The following GSTCD variants were observed in gnomAD, a reference collection of about 807,000 sequenced individuals.
GSTCD encodes the protein glutathione S-transferase C-terminal domain containing.
A neutral mutation model predicts 68.3 loss-of-function variants in GSTCD; 44 were observed. That is an observed-to-expected ratio of 0.64 (90% CI 0.51 to 0.83). The LOEUF (loss-of-function observed/expected upper bound fraction) is 0.83. Ranked by LOEUF, GSTCD falls within the 40% of genes least tolerant of loss-of-function variation. GSTCD has a pLI of 0.00. For synonymous variants in GSTCD, 273 were observed against 255.2 expected (o/e 1.07, Z -0.67); for missense variants, 739 against 735.9 (o/e 1.00, Z -0.05).
chr4:105,833,904 A>G (rs979528190), intron 8 of GSTCD, among the ~76,000 whole-genome samples: 1 of 152,096 alleles, frequency 6.6e-6, no homozygotes, highest in African/African-American at 2.4e-5. Flanking sequence ...GTAACTCATC[A>G]TTCAATGTTA....
intron 5 of GSTCD, among the ~76,000 whole-genome samples, chr4:105,735,884 T>C (rs1464029521): frequency 6.6e-6 from 1 of 152,164 alleles, no homozygotes; most frequent in Non-Finnish European, 1.5e-5. Flanking sequence ...TTAGGACTCA[T>C]ATTTTAAAAA....
chr4:105,836,938 T>A (rs954778650), intron 9 of GSTCD, among the ~76,000 whole-genome samples: 1 of 152,238 alleles, frequency 6.6e-6, no homozygotes, highest in Non-Finnish European at 1.5e-5. Context: ...ACAAACTAAT[T>A]GGCACTAATA....
chr4:105,824,151 G>GA (rs1251752238), intron 7 of GSTCD, among the ~76,000 whole-genome samples: 1 of 152,114 alleles, frequency 6.6e-6, no homozygotes, highest in Non-Finnish European at 1.5e-5. Flanking sequence ...AAAAAATGTG[G>GA]AAGAACTAAT....
rs576539660 is a variant in GSTCD, at chr4:105,845,738, C to A, written c.*161C>A. ...GGGAAATCTTGGAAGTAAAGGCTCC[C>A]TGCAAAGCATCACAAATGCTTTACA... On this transcript the variant is annotated 3_prime_UTR_variant, in exon 12 of 12. Coordinates refer to ENST00000515279, the MANE Select transcript of GSTCD (RefSeq NM_001370181.1). 25 of 662,262 alleles carry A rather than the reference C, an allele frequency of 3.8e-5. No homozygotes were observed. The South Asian group carries it at 4.7e-4, about 12-fold the overall frequency. The allele number at this position is 662,262 out of a possible 1,614,324, so 41.0% of individuals were successfully genotyped here.
At chr4:105,805,719 A>T (rs535886239) in intron 5 of GSTCD, among the ~76,000 whole-genome samples, 1 of 152,228 alleles carries the variant, frequency 6.6e-6, no homozygotes, top group East Asian at 1.9e-4. Context: ...AAAAACTGGC[A>T]TTGCACTAAA....
chr4:105,783,873 T>C (rs910852897), intron 5 of GSTCD, among the ~76,000 whole-genome samples: 4 of 152,342 alleles, frequency 2.6e-5, no homozygotes, highest in African/African-American at 9.6e-5. Flanking sequence ...TCATTTATGA[T>C]CTTCATATTT....
chr4:105,846,368 T>G lies in GSTCD; in HGVS notation c.*791T>G, dbSNP rs370066116. 11 of 150,410 alleles carry G rather than the reference T, an allele frequency of 7.3e-5. No individual in the cohort carries two copies. Among genetic ancestry groups the G allele is most frequent in the African/African-American group, 2.8e-4 (11 of 39,812 alleles). 9.3% of individuals were successfully genotyped at this position (150,410 alleles called of 1,614,324 possible). On this transcript the variant is annotated 3_prime_UTR_variant, in exon 12 of 12. Transcript: ENST00000515279. ...ACTCAAAATAAATCAATGAATGAAT[T>G]AATAAACAAATAAATAAATAAATAA...
In GSTCD at chr4:105,783,480, CA is replaced by C. The variant is rs779157609; in HGVS notation, c.1241-39467del. The stretch of plus-strand genomic sequence containing the variant: ...TTTACAGAAAATTACAAAAATAGTA[CA>C]AAAAAATCCAGATTCACTGTTTACA... On this transcript the variant is annotated intron_variant, in intron 5 of 11. Transcript: ENST00000515279. Among the ~76,000 whole-genome samples, 3 of 152,064 alleles carry C rather than the reference CA, an allele frequency of 2.0e-5. No homozygotes were observed. The East Asian group carries it at 5.8e-4, about 29-fold the overall frequency.
intron 5 of GSTCD, among the ~76,000 whole-genome samples, chr4:105,822,248 T>A (rs1188665082): frequency 1.3e-5 from 2 of 152,018 alleles, no homozygotes; most frequent in Admixed American, 6.6e-5. Flanking sequence ...CCCCAGGCAT[T>A]TCATACTTGG....
intron 4 of GSTCD, among the ~76,000 whole-genome samples, chr4:105,728,996 G>T (rs898700502): frequency 6.6e-6 from 1 of 152,078 alleles, no homozygotes; most frequent in Non-Finnish European, 1.5e-5. Flanking sequence ...AGGCTGTGGC[G>T]ATTTTCATAT....
At chr4:105,762,573 T>C (rs1234269847) in intron 5 of GSTCD, among the ~76,000 whole-genome samples, 1 of 152,152 alleles carries the variant, frequency 6.6e-6, no homozygotes, top group African/African-American at 2.4e-5. Flanking sequence ...AGATTGGTCA[T>C]GTTTGGTGGG....
chr4:105,754,218 T>C (rs184429123), intron 5 of GSTCD, among the ~76,000 whole-genome samples: 21 of 152,250 alleles, frequency 1.4e-4, no homozygotes, highest in Non-Finnish European at 2.9e-4. Context: ...CCAACTTACA[T>C]TGGAGAGATA....
At chr4:105,711,664 C>T (rs1732540976) in intron 1 of GSTCD, among the ~76,000 whole-genome samples, 1 of 152,124 alleles carries the variant, frequency 6.6e-6, no homozygotes, top group African/African-American at 2.4e-5. Context: ...ATTATTGTCT[C>T]CATTTTATTA....
intron 5 of GSTCD, among the ~76,000 whole-genome samples, chr4:105,813,455 T>C (rs749266446): frequency 6.6e-6 from 1 of 152,200 alleles, no homozygotes; most frequent in Non-Finnish European, 1.5e-5. Flanking sequence ...TGCATAAAAT[T>C]ACCTTCAGGC....
intron 5 of GSTCD, among the ~76,000 whole-genome samples, chr4:105,772,235 G>A (rs1734878159): frequency 6.6e-6 from 1 of 152,194 alleles, no homozygotes; most frequent in Non-Finnish European, 1.5e-5. Flanking sequence ...TGCTGAAGGT[G>A]CTTATCAGCT....
At chr4:105,774,343 C>G (rs1387269514) in intron 5 of GSTCD, among the ~76,000 whole-genome samples, 3 of 148,066 alleles carry the variant, frequency 2.0e-5, no homozygotes, top group South Asian at 4.2e-4. Flanking sequence ...GGCATTTAGC[C>G]CATTTACATT....
intron 5 of GSTCD, among the ~76,000 whole-genome samples, chr4:105,781,124 C>T (rs1176115213): frequency 6.6e-6 from 1 of 152,154 alleles, no homozygotes; most frequent in Non-Finnish European, 1.5e-5. Flanking sequence ...TTTACTTTCT[C>T]CTCTCACCCA....
intron 5 of GSTCD, among the ~76,000 whole-genome samples, chr4:105,777,535 G>A (rs1735117988): frequency 6.6e-6 from 1 of 151,990 alleles, no homozygotes; most frequent in African/African-American, 2.4e-5. Context: ...TTTTTCTATG[G>A]AACATTACTT....
intron 10 of GSTCD, among the ~76,000 whole-genome samples, chr4:105,839,506 A>C (rs1339254094): frequency 2.0e-5 from 3 of 152,168 alleles, no homozygotes; most frequent in Non-Finnish European, 2.9e-5. Flanking sequence ...GTGGTGACAC[A>C]CACCTGTAAT....
Sources: allele counts gnomAD v4.1 joint callset (sites outside exome capture counted in the v4.1 genomes callset), GRCh38; gene constraint gnomAD v4.1.1; transcripts MANE v1.5; gene names NCBI Gene and HGNC (gene_info 2026-07-23, HGNC 2026-07-21).